The following MED27 variants were observed in gnomAD, a reference collection of about 807,000 sequenced individuals.
MED27 encodes the protein mediator complex subunit 27.
A neutral mutation model predicts 38.2 loss-of-function variants in MED27; 30 were observed. That is an observed-to-expected ratio of 0.79 (90% CI 0.59 to 1.07). MED27 has a LOEUF of 1.07. MED27 is among the 50% of genes least tolerant of loss of function. The probability of loss-of-function intolerance (pLI) is 0.00; values close to 1 mark genes in which losing one functional copy is unlikely to be tolerated. For missense variants in MED27, 289 were observed against 397.5 expected, an observed-to-expected ratio of 0.73 and a Z score of 2.32; for synonymous variants, 122 against 153.5, an observed-to-expected ratio of 0.79 and a Z score of 1.52.
intron 6 of MED27, among the ~76,000 whole-genome samples, chr9:131,880,634 G>A (rs951669720): frequency 6.6e-6 from 1 of 152,182 alleles, no homozygotes; most frequent in African/African-American, 2.4e-5. Flanking sequence ...TACTTGAAAC[G>A]TGTTACACAG....
chr9:131,884,570 A>G (rs1391275167), intron 5 of MED27, among the ~76,000 whole-genome samples: 1 of 148,004 alleles, frequency 6.8e-6, no homozygotes, highest in East Asian at 2.0e-4. Flanking sequence ...TTATCAAAAC[A>G]TTCTTTCCAG....
At chr9:131,894,480 C>T (rs546841687) in intron 4 of MED27, among the ~76,000 whole-genome samples, 1 of 152,186 alleles carries the variant, frequency 6.6e-6, no homozygotes, top group African/African-American at 2.4e-5. Context: ...TTTATAGTAA[C>T]TGGTAAAAGT....
At chr9:131,899,609 C>A (rs545798193) in intron 4 of MED27, among the ~76,000 whole-genome samples, 2 of 152,144 alleles carry the variant, frequency 1.3e-5, no homozygotes, top group Non-Finnish European at 2.9e-5. Flanking sequence ...CCTAGGGGTG[C>A]GGTGGACAGC....
intron 2 of MED27, among the ~76,000 whole-genome samples, chr9:132,063,927 C>T (rs1471107940): frequency 6.6e-6 from 1 of 152,182 alleles, no homozygotes; most frequent in Non-Finnish European, 1.5e-5. Flanking sequence ...GGATCTAAAG[C>T]ACACAGAAAC....
At chr9:131,902,960 G>C (rs748340987) in intron 4 of MED27, among the ~76,000 whole-genome samples, 2 of 152,162 alleles carry the variant, frequency 1.3e-5, no homozygotes, top group Non-Finnish European at 2.9e-5. Context: ...CCTTGAACAA[G>C]TCACTTACCC....
chr9:131,886,050 C>T (rs1363324976), intron 5 of MED27, among the ~76,000 whole-genome samples: 1 of 152,142 alleles, frequency 6.6e-6, no homozygotes, highest in Admixed American at 6.6e-5. Context: ...CAGGAAAAGT[C>T]CTTTAAGAAG....
chr9:131,866,093 C>G (rs182045081), intron 6 of MED27, among the ~76,000 whole-genome samples: 1 of 152,304 alleles, frequency 6.6e-6, no homozygotes, highest in African/African-American at 2.4e-5. Flanking sequence ...ACCAAACCAA[C>G]AAGACCCTGC....
chr9:132,030,199 G>T (rs1362300227), intron 2 of MED27, among the ~76,000 whole-genome samples: 1 of 152,228 alleles, frequency 6.6e-6, no homozygotes, highest in Non-Finnish European at 1.5e-5. Flanking sequence ...CCAGAGCCAC[G>T]TTGTCTCAAA....
At chr9:132,077,656 G>A in intron 1 of MED27, 70 bp from the exon 2 acceptor site, 1 of 1,502,178 alleles carries the variant, frequency 6.7e-7, no homozygotes, top group Non-Finnish European at 9.0e-7. Flanking sequence ...CAGCCCCCAG[G>A]ATCAAAGACT....
At chr9:132,023,702 G>A (rs1832762897) in intron 2 of MED27, among the ~76,000 whole-genome samples, 1 of 152,148 alleles carries the variant, frequency 6.6e-6, no homozygotes, top group African/African-American at 2.4e-5. Context: ...AGGCAAGGAA[G>A]AAGGAAAGAC....
intron 6 of MED27, among the ~76,000 whole-genome samples, chr9:131,874,992 T>C (rs925017340): frequency 1.3e-5 from 2 of 152,194 alleles, no homozygotes; most frequent in Admixed American, 6.5e-5. Flanking sequence ...TGGAGAAGAA[T>C]GCAGACTGCA....
chr9:132,066,885 C>G (rs928744865), intron 2 of MED27, among the ~76,000 whole-genome samples: 3 of 152,196 alleles, frequency 2.0e-5, no homozygotes, highest in African/African-American at 7.2e-5. Context: ...AATAAAAGCA[C>G]ATAGCAGCCA....
At chr9:131,921,466 C>G (rs1830390056) in intron 4 of MED27, among the ~76,000 whole-genome samples, 1 of 149,226 alleles carries the variant, frequency 6.7e-6, no homozygotes, top group Non-Finnish European at 1.5e-5. Flanking sequence ...AAATCAAAAC[C>G]ACAATGAGAT....
Position 131,872,265 on chromosome 9 carries a change from G to A in MED27, c.724-9125C>T, listed in dbSNP as rs1447341671. Among the ~76,000 whole-genome samples the A allele has an allele frequency of 6.6e-6, 1 of 152,102 alleles. No homozygotes were observed. ...AGGACTGTGGCCGAGCAGCGCCTGGGGGAGCTGAGCTTGAACAGAGACGCT... is the reference window on the plus strand; with the variant it reads ...AGGACTGTGGCCGAGCAGCGCCTGGAGGAGCTGAGCTTGAACAGAGACGCT... On this transcript the variant is annotated intron_variant, in intron 6 of 7. Transcript: ENST00000292035. This position sits in a 1 kb window ranked among gnomAD's most constrained non-coding sequence, Gnocchi z 5.6.
Position 131,871,512 on chromosome 9 carries a change from C to T in MED27, c.724-8372G>A, listed in dbSNP as rs150647373. ...TTAAGAAGATGGCAATGCCAGTCAC[C>T]AGCCTGGTACAGGAACAACGGCACC... On this transcript the variant is annotated intron_variant, in intron 6 of 7. Coordinates refer to ENST00000292035, the MANE Select transcript of MED27 (RefSeq NM_004269.4). Among the ~76,000 whole-genome samples, 293 of 152,308 alleles carry T rather than the reference C, an allele frequency of 1.9e-3. 1 individual carries two copies. The highest frequency in any genetic ancestry group is 6.3e-3 in the African/African-American group (263 of 41,562).
chr9:132,064,549 T>C (rs1321855253), intron 2 of MED27, among the ~76,000 whole-genome samples: 1 of 152,210 alleles, frequency 6.6e-6, no homozygotes. Flanking sequence ...ATATATAGTG[T>C]TCTCTTCCAA....
chr9:131,941,733 T>C (rs972557712), intron 3 of MED27, among the ~76,000 whole-genome samples: 2 of 150,514 alleles, frequency 1.3e-5, no homozygotes, highest in African/African-American at 2.4e-5. Flanking sequence ...AAAAGCACCA[T>C]ACCGTGAGGA....
chr9:131,948,723 A>C (rs545998140), intron 3 of MED27, among the ~76,000 whole-genome samples: 17 of 152,262 alleles, frequency 1.1e-4, no homozygotes, highest in African/African-American at 4.1e-4. Flanking sequence ...AAAAACTTCA[A>C]GATCTCTTTA....
intron 4 of MED27, among the ~76,000 whole-genome samples, chr9:131,930,485 A>C (rs886275347): frequency 7.2e-5 from 11 of 152,222 alleles, no homozygotes; most frequent in African/African-American, 2.7e-4. Context: ...TGAAGGAAAA[A>C]AACTTTTACC....
Sources: gnomAD v4.1 joint callset for allele counts (sites outside exome capture counted in the v4.1 genomes callset) on GRCh38, gnomAD v4.1.1 for gene constraint, Gnocchi (gnomAD v3.1) non-coding constraint, MANE v1.5 for transcripts, NCBI Gene and HGNC (gene_info 2026-07-23, HGNC 2026-07-21) for gene names.